The following PRH1 variants were observed in gnomAD, a reference collection of about 807,000 sequenced individuals.
PRH1 encodes the protein salivary acidic proline-rich phosphoprotein 1/2.
In PRH1, 7 loss-of-function variants were observed where a neutral mutation model predicts 7.9. That is an observed-to-expected ratio of 0.89 (90% CI 0.50 to 1.67). The LOEUF is 1.67. PRH1 is among the 40% of genes most tolerant of loss of function. The pLI, the probability that PRH1 is intolerant of heterozygous loss-of-function variation, is 0.00. For missense variants in PRH1, 109 were observed against 223.6 expected (o/e 0.49, Z 3.27); for synonymous variants, 45 against 80.8 (o/e 0.56, Z 2.38).
At chr12:10,914,378 G>A (rs718110) in intron 2 of PRH1, among the ~76,000 whole-genome samples, 3,724 of 152,308 alleles carry the variant, frequency 0.024, 72 homozygotes, top group African/African-American at 0.049. Context: ...AATTATGTGT[G>A]TATTCAGGGA....
Position 11,078,356 on chromosome 12 carries a change from T to A in PRH1, n.124-31168A>T. 1.8e-5 allele frequency: 4 copies of A among 216,758 alleles called. 1 individual carries two copies. Among genetic ancestry groups the A allele is most frequent in the Non-Finnish European group, 3.9e-5 (4 of 103,150 alleles). The allele number at this position is 216,758 out of a possible 1,614,324, so 13.4% of individuals were successfully genotyped here. ...TTGATTACTAAATGTGCAATAACAT[T>A]TTCTGCCTTTAAATTCTGTGACTAA... On this transcript the variant is annotated intron_variant and non_coding_transcript_variant, in intron 1 of 4. Transcript: ENST00000541977.
At chr12:10,938,444 T>G in intron 2 of PRH1, 1 of 1,613,990 alleles carries the variant, frequency 6.2e-7, no homozygotes, top group South Asian at 1.1e-5. Flanking sequence ...CTCCAACCTT[T>G]CAGAGGTCCA....
intron 1 of PRH1, among the ~76,000 whole-genome samples, chr12:11,075,286 C>A (rs142275791): frequency 7.3e-6 from 1 of 137,446 alleles, no homozygotes; most frequent in Non-Finnish European, 1.6e-5. Flanking sequence ...TATATAGTAA[C>A]CAGCTAGAAA....
At chr12:11,053,016 T>G (rs1943216100) in intron 1 of PRH1, among the ~76,000 whole-genome samples, 1 of 152,264 alleles carries the variant, frequency 6.6e-6, no homozygotes, top group East Asian at 1.9e-4. Flanking sequence ...GAATAAAAGC[T>G]TTGTGTTAGA....
intron 1 of PRH1, chr12:11,134,293 G>A (rs1451423626): frequency 1.1e-5 from 11 of 1,028,232 alleles, no homozygotes; most frequent in Non-Finnish European, 1.5e-5. Flanking sequence ...TAATATCACT[G>A]GTTGTGATTG....
intron 2 of PRH1, among the ~76,000 whole-genome samples, chr12:10,897,278 G>A (rs768407783): frequency 5.9e-5 from 9 of 152,114 alleles, no homozygotes; most frequent in Admixed American, 2.0e-4. Context: ...CACTAGCCAC[G>A]TGTGACTATT....
chr12:11,084,216 T>C (rs572884782), intron 1 of PRH1, among the ~76,000 whole-genome samples: 2 of 19,600 alleles, frequency 1.0e-4, no homozygotes, highest in East Asian at 0.019. Context: ...AGCAGCACCC[T>C]TCTGCACCCT....
chr12:11,004,837 T>C (rs1320446440), intron 1 of PRH1, among the ~76,000 whole-genome samples: 1 of 152,104 alleles, frequency 6.6e-6, no homozygotes, highest in Non-Finnish European at 1.5e-5. Context: ...CAGGATTGTT[T>C]AACAACTCCT....
intron 1 of PRH1, among the ~76,000 whole-genome samples, chr12:11,098,217 T>C (rs949127309): frequency 1.4e-4 from 21 of 148,770 alleles, no homozygotes; most frequent in African/African-American, 4.2e-4. Flanking sequence ...CTGGTTGTGA[T>C]TGCTTGAATA....
chr12:10,987,029 C>T (rs1337949798), intron 1 of PRH1: 2 of 465,038 alleles, frequency 4.3e-6, no homozygotes, highest in South Asian at 1.3e-4. Flanking sequence ...CCAGCTTATG[C>T]TAATGGATGA....
chr12:11,025,534 G>C (rs77262026), intron 1 of PRH1, among the ~76,000 whole-genome samples: 9 of 151,686 alleles, frequency 5.9e-5, no homozygotes, highest in East Asian at 5.8e-4. Flanking sequence ...TTTGGTTTTA[G>C]TTATCATGCC....
intron 1 of PRH1, chr12:10,986,830 T>C (rs1193243064): frequency 1.3e-6 from 2 of 1,548,388 alleles, no homozygotes; most frequent in South Asian, 1.3e-5. Flanking sequence ...ATTATTAGAA[T>C]TGAAAAAAAA....
At chr12:11,115,150 C>T (rs950894677) in intron 1 of PRH1, among the ~76,000 whole-genome samples, 1 of 152,074 alleles carries the variant, frequency 6.6e-6, no homozygotes, top group Non-Finnish European at 1.5e-5. Flanking sequence ...AATCTGTTGC[C>T]TCTAAGAAAC....
chr12:11,115,877 C>G (rs535392981), downstream of PRH1, among the ~76,000 whole-genome samples: 6 of 152,054 alleles, frequency 3.9e-5, no homozygotes, highest in South Asian at 1.2e-3. Context: ...ATACCAAAAT[C>G]TATGAAATAC....
rs571564465 is a variant in PRH1, at chr12:11,065,052, T to C, written n.124-17864A>G. 5.3e-5 allele frequency among the ~76,000 whole-genome samples: 8 copies of C among 152,176 alleles called. No individual in the cohort carries two copies. In the South Asian group the frequency reaches 1.7e-3, roughly 32 times the overall value. On this transcript the variant is annotated intron_variant and non_coding_transcript_variant, in intron 1 of 4. Transcript: ENST00000541977. ...ACTCCAACTCCACATAGAATAATAC[T>C]GATAATAATAATAATTTTTCTATTA...
intron 1 of PRH1, among the ~76,000 whole-genome samples, chr12:11,079,613 C>T (rs796614968): frequency 0.037 from 2,525 of 67,892 alleles, 27 homozygotes; most frequent in Non-Finnish European, 0.051. Context: ...TCTGCTAAAC[C>T]AAGAGTATGG....
At chr12:11,075,964 A>C (rs1294874222) in intron 1 of PRH1, among the ~76,000 whole-genome samples, 1 of 120,952 alleles carries the variant, frequency 8.3e-6, no homozygotes, top group African/African-American at 2.8e-5. Context: ...AAAGCAAGAC[A>C]GATATGACCT....
intron 1 of PRH1, among the ~76,000 whole-genome samples, chr12:11,115,312 A>G (rs1419651280): frequency 6.6e-6 from 1 of 152,190 alleles, no homozygotes; most frequent in African/African-American, 2.4e-5. Flanking sequence ...AAAGGTCACC[A>G]TATAATGATA....
chr12:10,987,022 G>T, intron 1 of PRH1: 1 of 483,760 alleles, frequency 2.1e-6, no homozygotes, highest in East Asian at 3.3e-5. Context: ...GAAAGTACCA[G>T]CTTATGCTAA....
Sources: allele counts gnomAD v4.1 joint callset (sites outside exome capture counted in the v4.1 genomes callset), GRCh38; gene constraint gnomAD v4.1.1; transcripts MANE v1.5; gene names NCBI Gene and HGNC (gene_info 2026-07-23, HGNC 2026-07-21).